RPS6KB1: variants seen among roughly 807,000 people sequenced by gnomAD.
The protein encoded by RPS6KB1 is ribosomal protein S6 kinase beta-1.
A neutral mutation model predicts 70.2 loss-of-function variants in RPS6KB1; 12 were observed. The observed-to-expected ratio is 0.17, with a 90% CI of 0.11 to 0.28. The LOEUF is 0.28. RPS6KB1 is among the 10% of genes least tolerant of loss of function. RPS6KB1 has a pLI of 1.00. For missense variants in RPS6KB1, 270 were observed against 646.6 expected (o/e 0.42, Z 6.32); for synonymous variants, 175 against 211.2 (o/e 0.83, Z 1.49).
At chr17:59,936,670 A>G (rs1240573774) in intron 12 of RPS6KB1, 129 bp downstream of exon 12, 4 of 729,168 alleles carry the variant, frequency 5.5e-6, no homozygotes, top group Non-Finnish European at 9.6e-6. Context: ...ACATAACAAG[A>G]CTCCATATCT....
At chr17:59,937,080 T>C (rs1301898431) in intron 12 of RPS6KB1, among the ~76,000 whole-genome samples, 1 of 152,210 alleles carries the variant, frequency 6.6e-6, no homozygotes, top group African/African-American at 2.4e-5. Flanking sequence ...CAGACTGGTC[T>C]TGAACTCCTG....
intron 4 of RPS6KB1, among the ~76,000 whole-genome samples, chr17:59,920,279 A>G (rs1296071187): frequency 1.3e-5 from 2 of 152,120 alleles, no homozygotes; most frequent in Non-Finnish European, 2.9e-5. Context: ...TGGCCTCCCA[A>G]AGTGCTAGGA....
intron 4 of RPS6KB1, among the ~76,000 whole-genome samples, chr17:59,916,075 C>T (rs1389937461): frequency 6.6e-6 from 1 of 151,618 alleles, no homozygotes; most frequent in Non-Finnish European, 1.5e-5. Context: ...CCATGCCCAG[C>T]CAACTGCTAT....
intron 2 of RPS6KB1, chr17:59,912,439 T>C (rs2042701701): frequency 2.7e-6 from 1 of 368,636 alleles, no homozygotes; most frequent in Non-Finnish European, 5.1e-6. Context: ...ATGCATAAAA[T>C]AAACAATTAT....
chr17:59,918,829 CTTT>C (rs35207575), intron 4 of RPS6KB1, among the ~76,000 whole-genome samples: 12 of 119,082 alleles, frequency 1.0e-4, no homozygotes, highest in Admixed American at 2.7e-4. Context: ...ACTGATTATT[CTTT>C]TTTTTTTTTT....
At chr17:59,900,171 A>AC (rs2041825803) in intron 1 of RPS6KB1, among the ~76,000 whole-genome samples, 34 of 102,494 alleles carry the variant, frequency 3.3e-4, no homozygotes, top group African/African-American at 1.1e-3. Flanking sequence ...CTAATTGCTA[A>AC]ACACACACAC....
chr17:59,923,797 C>T (rs573251739), intron 4 of RPS6KB1, among the ~76,000 whole-genome samples: 43 of 152,206 alleles, frequency 2.8e-4, no homozygotes, highest in African/African-American at 9.9e-4. Flanking sequence ...TGTTAGCCAC[C>T]GTGCCCGACC....
At chr17:59,923,636 A>G (rs185430042) in intron 4 of RPS6KB1, among the ~76,000 whole-genome samples, 16 of 151,790 alleles carry the variant, frequency 1.1e-4, no homozygotes, top group South Asian at 1.0e-3. Flanking sequence ...CCGCCTCCTG[A>G]GTAGCTGGGA....
rs2144795551 is a variant in RPS6KB1 at position 59,912,777 on chromosome 17, G to T, written c.285G>T (p.Arg95=). The T allele has an allele frequency of 1.2e-6, 2 of 1,614,024 alleles. No individual in the cohort carries two copies. Among genetic ancestry groups the T allele is most frequent in the South Asian group, 1.1e-5 (1 of 91,076 alleles). The change falls in exon 3 of 15, where the codon CGG becomes CGT. Residue 95 remains arginine, a synonymous_variant. Transcript: ENST00000225577. ...GACCAGAATGTTTTGAGCTACTTCG[G>T]GTACTTGGTAAAGGGGGCTATGGAA... ...KIRPECFELL[R]VLGKGGYGKV...
intron 5 of RPS6KB1, among the ~76,000 whole-genome samples, chr17:59,928,877 A>G (rs1333507578): frequency 6.6e-6 from 1 of 152,116 alleles, no homozygotes; most frequent in Non-Finnish European, 1.5e-5. Context: ...CCTTAGTATT[A>G]GATTCAGGTT....
chr17:59,932,550 CTTTTT>C (rs11390348), intron 7 of RPS6KB1, among the ~76,000 whole-genome samples: 1 of 130,302 alleles, frequency 7.7e-6, no homozygotes, highest in African/African-American at 2.9e-5. Context: ...CATCAGGTTA[CTTTTT>C]TTTTTTTTTT....
intron 3 of RPS6KB1, 141 bp downstream of exon 3, chr17:59,912,945 G>A: frequency 1.1e-6 from 1 of 894,640 alleles, no homozygotes; most frequent in Non-Finnish European, 1.7e-6. Flanking sequence ...TATGTTTGAG[G>A]GATGTACAGA....
intron 1 of RPS6KB1, among the ~76,000 whole-genome samples, chr17:59,906,053 C>G (rs2042246722): frequency 6.6e-6 from 1 of 152,060 alleles, no homozygotes; most frequent in South Asian, 2.1e-4. Context: ...TCCAGTTGTC[C>G]TAGCATCATT....
At chr17:59,926,681 A>C in intron 5 of RPS6KB1, 99 bp downstream of exon 5, 2 of 1,013,268 alleles carry the variant, frequency 2.0e-6, no homozygotes, top group Admixed American at 4.6e-5. Context: ...CATTATGATC[A>C]AATAGTGCTT....
Position 59,947,349 on chromosome 17 carries a change from T to C in RPS6KB1, c.*561T>C. ...AATAGATTTTTGATTCAGCTCATTA[T>C]GAAAAACATCCCAAACTTTAAAATG... On this transcript the variant is annotated 3_prime_UTR_variant, in exon 15 of 15. Coordinates refer to ENST00000225577, the MANE Select transcript of RPS6KB1 (RefSeq NM_003161.4). The C allele has an allele frequency of 1.7e-6, 2 of 1,157,006 alleles. No individual in the cohort carries two copies. The highest frequency in any genetic ancestry group is 2.2e-6 in the Non-Finnish European group (2 of 926,848). 71.7% of individuals were successfully genotyped at this position (1,157,006 alleles called of 1,614,324 possible). A position where few individuals can be genotyped will look rare whatever the true frequency, so the allele number is the denominator to read the frequency against.
chr17:59,907,692 C>T (rs2042353333), intron 1 of RPS6KB1, among the ~76,000 whole-genome samples: 1 of 152,084 alleles, frequency 6.6e-6, no homozygotes, highest in Non-Finnish European at 1.5e-5. Flanking sequence ...GCATGTGCCA[C>T]CACACTCAGC....
chr17:59,914,514 A>G (rs2042829162), intron 3 of RPS6KB1, 121 bp from the exon 4 acceptor site: 4 of 765,078 alleles, frequency 5.2e-6, no homozygotes, highest in East Asian at 5.0e-5. Flanking sequence ...TTAGCTGATC[A>G]TTTTTGCACA....
At chr17:59,940,328 C>G (rs2044504262) in intron 12 of RPS6KB1, among the ~76,000 whole-genome samples, 1 of 121,126 alleles carries the variant, frequency 8.3e-6, no homozygotes, top group Non-Finnish European at 1.6e-5. Context: ...GCACTGTCAT[C>G]TGGGCTGGTG....
At chr17:59,917,781 G>A (rs1453058156) in intron 4 of RPS6KB1, among the ~76,000 whole-genome samples, 1 of 151,842 alleles carries the variant, frequency 6.6e-6, no homozygotes, top group Non-Finnish European at 1.5e-5. Context: ...TTCAGTTCTA[G>A]GAAATTTTCT....
Sources: allele counts gnomAD v4.1 joint callset (sites outside exome capture counted in the v4.1 genomes callset), GRCh38; gene constraint gnomAD v4.1.1; transcripts MANE v1.5; gene names NCBI Gene and HGNC (gene_info 2026-07-23, HGNC 2026-07-21).